Variants in SPART observed in about 807,000 individuals in gnomAD.
SPART encodes spartin.
SPART carries 35 observed loss-of-function variants against 58.7 expected under a neutral mutation model. That is an observed-to-expected ratio of 0.60 (90% CI 0.46 to 0.79). The LOEUF (loss-of-function observed/expected upper bound fraction) is 0.79, where lower values mean the gene tolerates loss of function less well. SPART is among the 30% of genes least tolerant of loss of function. The pLI is 0.00. For missense variants in SPART, 730 were observed against 786.1 expected (o/e 0.93, Z 0.85); for synonymous variants, 284 against 280.7 (o/e 1.01, Z -0.12).
chr13:36,334,738 C>T (rs1053426536), intron 2 of SPART, among the ~76,000 whole-genome samples: 1 of 152,098 alleles, frequency 6.6e-6, no homozygotes, highest in African/African-American at 2.4e-5. Flanking sequence ...TATTAGATTT[C>T]TTCTTCAGAT....
chr13:36,329,368 T>C lies in SPART; in HGVS notation c.1158A>G (p.Gly386=), dbSNP rs1318593525. 1.2e-6 allele frequency: 2 copies of C among 1,614,126 alleles called. No individual in the cohort carries two copies. The highest frequency in any genetic ancestry group is 3.3e-5 in the Admixed American group (2 of 60,034). Residue 386 remains glycine, a synonymous_variant, in exon 4 of 9, where the codon GGA becomes GGG. Coordinates refer to ENST00000438666, the MANE Select transcript of SPART (RefSeq NM_015087.5). ...TTATTACTCTTTTATTTACCCTTTT[T>C]CCACGTTTTCCTTTATGACGTACAT... ...NKDVRHKGKR[G]KRAKDTSSEE...
chr13:36,329,607 A>T (rs1883275057), intron 3 of SPART, 90 bp from the exon 4 acceptor site: 2 of 1,334,312 alleles, frequency 1.5e-6, no homozygotes, highest in Admixed American at 3.5e-5. Flanking sequence ...CAAATGACAT[A>T]CTTGTTTGAA....
At chr13:36,317,200 C>T (rs2137365677) in intron 5 of SPART, among the ~76,000 whole-genome samples, 1 of 152,304 alleles carries the variant, frequency 6.6e-6, no homozygotes, top group Non-Finnish European at 1.5e-5. Flanking sequence ...GGGATGCCTG[C>T]CTTGGTCCTT....
chr13:36,314,327 T>C lies in SPART; in HGVS notation c.1383A>G (p.Gln461=). ...TAACTTCCACGGGTTTTTCTTCTGG[T>C]TGAATCCGCTCTCGGAGTTTAGAAG... The part of the protein sequence containing the change: ...KGASKLRERI[Q]PEEKPVEVSP... The change falls in exon 6 of 9, where the codon CAA becomes CAG. Residue 461 remains glutamine (Q), a synonymous_variant. Coordinates refer to ENST00000438666, the MANE Select transcript of SPART (RefSeq NM_015087.5). 6.2e-7 allele frequency: 1 copy of C among 1,614,192 alleles called. No individual in the cohort carries two copies. The highest frequency in any genetic ancestry group is 1.1e-5 in the South Asian group (1 of 91,090).
In SPART at chr13:36,329,354, T is replaced by C; in HGVS notation, c.1164+8A>G. On this transcript the variant is annotated splice_region_variant and intron_variant, in intron 4 of 8. Transcript: ENST00000438666. Reference sequence around the variant, plus strand: ...GACAACACACACACTTATTACTCTTTTATTTACCCTTTTTCCACGTTTTCC... The same window carrying C: ...GACAACACACACACTTATTACTCTTCTATTTACCCTTTTTCCACGTTTTCC... 1 of 1,613,958 alleles carries C rather than the reference T, an allele frequency of 6.2e-7. No individual in the cohort carries two copies. The highest frequency in any genetic ancestry group is 8.5e-7 in the Non-Finnish European group (1 of 1,179,882).
rs768206372 is a variant in SPART, at chr13:36,304,483, T to C, written c.1883A>G (p.Tyr628Cys). The C allele has an allele frequency of 3.1e-6, 5 of 1,614,174 alleles. No individual in the cohort carries two copies. The highest frequency in any genetic ancestry group is 3.4e-6 in the Non-Finnish European group (4 of 1,180,020). Reference sequence around the variant, plus strand: ...CCTCTGAGAATTATCAACTATCTGATAGTCCTCAAGGAGAGTGTGTCCTGT... The same window carrying C: ...CCTCTGAGAATTATCAACTATCTGACAGTCCTCAAGGAGAGTGTGTCCTGT... The part of the protein sequence containing the change: ...TQTGHTLLED[Y>C]QIVDNSQREN... The change falls in exon 9 of 9, where the codon TAT (tyrosine) becomes TGT (cysteine). Residue 628 changes from tyrosine (Y) to cysteine (C), a missense_variant. Coordinates refer to ENST00000438666, the MANE Select transcript of SPART (RefSeq NM_015087.5).
chr13:36,368,229 A>G (rs1195894573), intron 1 of SPART: 2 of 464,612 alleles, frequency 4.3e-6, no homozygotes, highest in African/African-American at 2.0e-5. Context: ...TGCTGAGGAT[A>G]CAGGAATAAA....
chr13:36,322,263 A>G (rs1052823065), intron 5 of SPART, among the ~76,000 whole-genome samples: 2 of 152,048 alleles, frequency 1.3e-5, no homozygotes, highest in Non-Finnish European at 2.9e-5. Flanking sequence ...CCTGGCCAAT[A>G]TGGTGAAACT....
intron 1 of SPART, among the ~76,000 whole-genome samples, chr13:36,363,986 A>G (rs1238984734): frequency 1.3e-5 from 2 of 151,568 alleles, no homozygotes; most frequent in Non-Finnish European, 2.9e-5. Context: ...TTTTACATGC[A>G]CTCTTTTTTT....
intron 5 of SPART, among the ~76,000 whole-genome samples, chr13:36,325,093 C>G (rs7998522): frequency 0.24 from 36,495 of 151,934 alleles, 4,848 homozygotes; most frequent in East Asian, 0.51. Context: ...CAAGTCACCG[C>G]GGATGTGATG....
chr13:36,335,020 C>G lies in SPART; in HGVS notation c.810+1G>C. 1 of 1,612,958 alleles carries G rather than the reference C, an allele frequency of 6.2e-7. No individual in the cohort carries two copies. The highest frequency in any genetic ancestry group is 8.5e-7 in the Non-Finnish European group (1 of 1,179,230). On this transcript the variant is annotated splice_donor_variant, in intron 2 of 8. Transcript: ENST00000438666. LOFTEE classifies it high-confidence loss of function. Reference sequence around the variant, plus strand: ...TATGCTTTCATTTTTCTTTCGCTTACCTGAAGAAACCCGGGAGGACGGTTT... The same window carrying G: ...TATGCTTTCATTTTTCTTTCGCTTAGCTGAAGAAACCCGGGAGGACGGTTT...
At chr13:36,325,777 C>T (rs1291929208) in intron 5 of SPART, 2 of 152,120 alleles carry the variant, frequency 1.3e-5, no homozygotes, top group South Asian at 2.1e-4. Context: ...TTGGCTATAA[C>T]CCTCAGATGT....
intron 5 of SPART, among the ~76,000 whole-genome samples, chr13:36,321,819 T>C (rs1268083122): frequency 6.6e-6 from 1 of 152,178 alleles, no homozygotes; most frequent in Non-Finnish European, 1.5e-5. Flanking sequence ...CTGAAGTAAC[T>C]GAAGAATCAC....
At chr13:36,348,364 A>G (rs920426955), upstream of SPART, among the ~76,000 whole-genome samples, 4 of 152,250 alleles carry the variant, frequency 2.6e-5, no homozygotes, top group Non-Finnish European at 5.9e-5. Flanking sequence ...AAGTACATAC[A>G]TTTAAATAGA....
Position 36,329,475 on chromosome 13 carries a change from G to A in SPART, c.1051C>T (p.Pro351Ser). 6.2e-7 allele frequency: 1 copy of A among 1,614,048 alleles called. No individual in the cohort carries two copies. Among genetic ancestry groups the A allele is most frequent in the South Asian group, 1.1e-5 (1 of 91,074 alleles). The change falls in exon 4 of 9, where the codon CCT (proline) becomes TCT (serine). Residue 351 changes from proline (P) to serine (S), a missense_variant. Transcript: ENST00000438666. ...TCAGAGGAGGGTCTAGTTCTTCCAG[G>A]GATTTGGAATTCATTTTCTTCTTCT... ...RAEEENEFQIPGRTRPSSDQL... is the reference protein window; with the variant it reads ...RAEEENEFQISGRTRPSSDQL...
chr13:36,358,194 A>G (rs1271558966), intron 1 of SPART, among the ~76,000 whole-genome samples: 1 of 152,160 alleles, frequency 6.6e-6, no homozygotes, highest in East Asian at 1.9e-4. Context: ...TACAGTTAAA[A>G]TTTTCAAACG....
chr13:36,304,605 G>T lies in SPART; in HGVS notation c.1761C>A (p.Thr587=), dbSNP rs776678002. Residue 587 remains threonine, a synonymous_variant, in exon 9 of 9, where the codon ACC becomes ACA. Coordinates refer to ENST00000438666, the MANE Select transcript of SPART (RefSeq NM_015087.5). ...TGACCGCAGAATCCACCGCATGGTG[G>T]GTAGCTTCTCCTGCATTATATCCGT... is the stretch of plus-strand genomic sequence containing the variant. The part of the protein sequence containing the change: ...YKYGYNAGEA[T]HHAVDSAVNV... 2 of 1,613,810 alleles carry T rather than the reference G, an allele frequency of 1.2e-6. No individual in the cohort carries two copies. Among genetic ancestry groups the T allele is most frequent in the African/African-American group, 2.7e-5 (2 of 74,866 alleles).
chr13:36,326,593 C>A lies in SPART; in HGVS notation c.1270G>T (p.Ala424Ser), dbSNP rs576884318. ...KELPEWSEKVAHNILSGASWV... is the reference protein window; with the variant it reads ...KELPEWSEKVSHNILSGASWV... Reference sequence around the variant, plus strand: ...GTAATACCTGACAAAATGTTGTGAGCCACTTTTTCACTCCATTCAGGTAAT... The same window carrying A: ...GTAATACCTGACAAAATGTTGTGAGACACTTTTTCACTCCATTCAGGTAAT... Residue 424 changes from alanine to serine, a missense_variant, in exon 5 of 9, where the codon GCT becomes TCT. Coordinates refer to ENST00000438666, the MANE Select transcript of SPART (RefSeq NM_015087.5). 10 of 1,613,346 alleles carry A rather than the reference C, an allele frequency of 6.2e-6. No individual in the cohort carries two copies. The highest frequency in any genetic ancestry group is 7.6e-6 in the Non-Finnish European group (9 of 1,179,828).
chr13:36,349,317 A>C (rs1339618597), upstream of SPART, among the ~76,000 whole-genome samples: 1 of 152,176 alleles, frequency 6.6e-6, no homozygotes, highest in Non-Finnish European at 1.5e-5. Flanking sequence ...TTGTTTTATG[A>C]GGTATGTTTA....
Sources: allele counts gnomAD v4.1 joint callset (sites outside exome capture counted in the v4.1 genomes callset), GRCh38; gene constraint gnomAD v4.1.1; transcripts MANE v1.5; gene names NCBI Gene and HGNC (gene_info 2026-07-23, HGNC 2026-07-21).